TMEM178B: variants seen among roughly 807,000 people sequenced by gnomAD.
TMEM178B encodes transmembrane protein 178B.
A neutral mutation model predicts 31.0 loss-of-function variants in TMEM178B; 5 were observed. The ratio of observed to expected loss-of-function variants is 0.16; its 90% CI spans 0.08 to 0.34. The LOEUF is 0.34. Among genes scored for constraint, TMEM178B ranks in the 10% least tolerant of loss-of-function variants. The pLI is 1.00. For missense variants in TMEM178B, 275 were observed against 400.3 expected (o/e 0.69, Z 2.67); for synonymous variants, 164 against 164.0 (o/e 1.00, Z 0.00).
At chr7:141,419,431 A>G (rs1563177670) in intron 2 of TMEM178B, among the ~76,000 whole-genome samples, 1 of 151,880 alleles carries the variant, frequency 6.6e-6, no homozygotes, top group Non-Finnish European at 1.5e-5. Flanking sequence ...TAACAGTCTG[A>G]CTGCTTTACT....
Position 141,171,006 on chromosome 7 carries a change from TCACACACACATACACACA to T in TMEM178B, c.383-41574_383-41557del, listed in dbSNP as rs1430676731. On this transcript the variant is annotated intron_variant, in intron 1 of 3. Coordinates refer to ENST00000565468, the MANE Select transcript of TMEM178B (RefSeq NM_001195278.2). This position sits in a 1 kb window ranked among gnomAD's most constrained non-coding sequence, Gnocchi z 4.3. ...GGTTATTACAGGTTCAGACTACACA[TCACACACACATACACACA>T]CACACACACACACACACACACACAC... Among the ~76,000 whole-genome samples the T allele has an allele frequency of 4.1e-5, 5 of 122,838 alleles. No homozygotes were observed. Among genetic ancestry groups the T allele is most frequent in the African/African-American group, 1.3e-4 (4 of 30,726 alleles). 80.6% of individuals were successfully genotyped at this position (122,838 alleles called of 152,430 possible).
chr7:141,353,539 T>C (rs1311296791), intron 2 of TMEM178B, among the ~76,000 whole-genome samples: 1 of 152,244 alleles, frequency 6.6e-6, no homozygotes, highest in Non-Finnish European at 1.5e-5. Context: ...CCTGTAACTT[T>C]CTTTGAGGGC....
chr7:141,255,449 T>C (rs897571005), intron 2 of TMEM178B, among the ~76,000 whole-genome samples: 9 of 152,198 alleles, frequency 5.9e-5, no homozygotes, highest in African/African-American at 1.7e-4. Context: ...AACAAACATA[T>C]GTACCTCTAA....
Position 141,314,466 on chromosome 7 carries a change from C to G in TMEM178B, c.496+101762C>G, listed in dbSNP as rs560588087. ...CCATGTTTGTGGCCATGTGAGCAAT[C>G]GTGTGGTTGCTTATATCAGTGCTCT... On this transcript the variant is annotated intron_variant, in intron 2 of 3. Coordinates refer to ENST00000565468, the MANE Select transcript of TMEM178B (RefSeq NM_001195278.2). Among the ~76,000 whole-genome samples, 561 of 152,278 alleles carry G rather than the reference C, an allele frequency of 3.7e-3. 6 individuals carry two copies. The highest frequency in any genetic ancestry group is 0.02 in the South Asian group (97 of 4,816).
At chr7:141,093,590 T>G (rs1794912547) in intron 1 of TMEM178B, among the ~76,000 whole-genome samples, 1 of 152,142 alleles carries the variant, frequency 6.6e-6, no homozygotes, top group African/African-American at 2.4e-5. Flanking sequence ...AGAGAGGGAT[T>G]GATTGTAAAC....
chr7:141,303,630 A>G (rs1367291576), intron 2 of TMEM178B, among the ~76,000 whole-genome samples: 1 of 152,210 alleles, frequency 6.6e-6, no homozygotes, highest in Admixed American at 6.5e-5. Flanking sequence ...GCTGTACAAC[A>G]CGTGCAACCA....
chr7:141,104,181 A>C (rs1334910382), intron 1 of TMEM178B, among the ~76,000 whole-genome samples: 1 of 152,166 alleles, frequency 6.6e-6, no homozygotes, highest in Non-Finnish European at 1.5e-5. Flanking sequence ...CAGGAGCTTC[A>C]TCCTGGGCAG....
chr7:141,493,109 A>G, the TMEM178B span, among the ~76,000 whole-genome samples: 1 of 152,144 alleles, frequency 6.6e-6, no homozygotes, highest in Non-Finnish European at 1.5e-5. Flanking sequence ...AGCTGAGAAC[A>G]CTGGTGGTAC....
At chr7:141,113,083 A>G (rs986759071) in intron 1 of TMEM178B, among the ~76,000 whole-genome samples, 1 of 152,250 alleles carries the variant, frequency 6.6e-6, no homozygotes, top group Admixed American at 6.5e-5. Flanking sequence ...GACAGCAGGA[A>G]CAGTTGGAGA....
At chr7:141,337,357 C>G (rs1309284970) in intron 2 of TMEM178B, among the ~76,000 whole-genome samples, 1 of 146,580 alleles carries the variant, frequency 6.8e-6, no homozygotes, top group African/African-American at 2.5e-5. Flanking sequence ...TACCCCACTA[C>G]CACCCCACTA....
intron 2 of TMEM178B, among the ~76,000 whole-genome samples, chr7:141,377,108 T>A (rs1416561498): frequency 1.3e-5 from 2 of 152,076 alleles, no homozygotes; most frequent in Non-Finnish European, 2.9e-5. Context: ...GATTTTTAAT[T>A]TTTACTTGTC....
intron 2 of TMEM178B, among the ~76,000 whole-genome samples, chr7:141,350,003 G>GCATC (rs979408518): frequency 6.7e-6 from 1 of 149,540 alleles, no homozygotes; most frequent in Non-Finnish European, 1.5e-5. Context: ...ATCCATGCAT[G>GCATC]CATCCATCCA....
rs564283347 is a variant in TMEM178B, at chr7:141,303,548, A to G, written c.496+90844A>G. Reference sequence around the variant, plus strand: ...GCTGCGTGCTCATGAGAGGAGCGCCATGCTCAGCTGTGAGTGAGGCTTGTT... The same window carrying G: ...GCTGCGTGCTCATGAGAGGAGCGCCGTGCTCAGCTGTGAGTGAGGCTTGTT... On this transcript the variant is annotated intron_variant, in intron 2 of 3. Transcript: ENST00000565468. Among the ~76,000 whole-genome samples the G allele has an allele frequency of 1.5e-3, 223 of 152,326 alleles. 2 individuals carry two copies. Among genetic ancestry groups the G allele is most frequent in the African/African-American group, 5.1e-3 (210 of 41,572 alleles).
At position 141,459,447 on chromosome 7, in the gene TMEM178B, G is replaced by C. The variant is rs555449410; in HGVS notation, c.635-11089G>C. Among the ~76,000 whole-genome samples, 6 of 152,326 alleles carry C rather than the reference G, an allele frequency of 3.9e-5. No individual in the cohort carries two copies. The East Asian group carries it at 9.6e-4, about 24-fold the overall frequency. On this transcript the variant is annotated intron_variant, in intron 3 of 3. Coordinates refer to ENST00000565468, the MANE Select transcript of TMEM178B (RefSeq NM_001195278.2). ...AGGAGACACCACCACGCCAGTTCTT[G>C]AGAAATTCACAGGCTGGCTGAGCAC... is the stretch of plus-strand genomic sequence containing the variant.
chr7:141,145,292 G>C (rs905577157), intron 1 of TMEM178B, among the ~76,000 whole-genome samples: 14 of 152,148 alleles, frequency 9.2e-5, no homozygotes, highest in Non-Finnish European at 2.1e-4. Context: ...TCCACCCAGG[G>C]GTTCTGTCCT....
chr7:141,240,789 T>G (rs190329207), intron 2 of TMEM178B, among the ~76,000 whole-genome samples: 1 of 152,342 alleles, frequency 6.6e-6, no homozygotes, highest in African/African-American at 2.4e-5. Context: ...GCTCTGAGTT[T>G]GTGTGTGTTC....
At chr7:141,263,852 A>G (rs1162331020) in intron 2 of TMEM178B, among the ~76,000 whole-genome samples, 4 of 152,216 alleles carry the variant, frequency 2.6e-5, no homozygotes, top group African/African-American at 4.8e-5. Flanking sequence ...CTGTAGAAGG[A>G]TGCATAGAAT....
intron 1 of TMEM178B, among the ~76,000 whole-genome samples, chr7:141,119,150 C>A (rs1795369869): frequency 6.6e-6 from 1 of 152,210 alleles, no homozygotes; most frequent in African/African-American, 2.4e-5. Context: ...GGGGCTCCAT[C>A]CCACTGGAGA....
rs529155999 is a variant in TMEM178B, at chr7:141,296,589, G to A, written c.496+83885G>A. On this transcript the variant is annotated intron_variant, in intron 2 of 3. Coordinates refer to ENST00000565468, the MANE Select transcript of TMEM178B (RefSeq NM_001195278.2). ...GAGGGAACACAGATTTATTTTAATC[G>A]AGTCTTAGAGACCTAGGGTTCTGGC... 1.3e-3 allele frequency among the ~76,000 whole-genome samples: 199 copies of A among 152,240 alleles called. 2 individuals carry two copies. Among genetic ancestry groups the A allele is most frequent in the African/African-American group, 4.5e-3 (185 of 41,540 alleles).
Sources: gnomAD v4.1 joint callset for allele counts (sites outside exome capture counted in the v4.1 genomes callset) on GRCh38, gnomAD v4.1.1 for gene constraint, Gnocchi (gnomAD v3.1) non-coding constraint, MANE v1.5 for transcripts, NCBI Gene and HGNC (gene_info 2026-07-23, HGNC 2026-07-21) for gene names.